The following RIBC2 variants were observed in gnomAD, a reference collection of about 807,000 sequenced individuals.
The protein encoded by RIBC2 is RIB43A-like with coiled-coils protein 2.
RIBC2 carries 40 observed loss-of-function variants against 44.3 expected under a neutral mutation model. The observed-to-expected ratio is 0.90, with a 90% CI of 0.70 to 1.18. RIBC2 has a LOEUF of 1.18. RIBC2 is among the 50% of genes most tolerant of loss of function. The pLI, the probability that RIBC2 is intolerant of heterozygous loss-of-function variation, is 0.00. For missense variants in RIBC2, 459 were observed against 485.5 expected, an observed-to-expected ratio of 0.95 and a Z score of 0.51; for synonymous variants, 171 against 175.0, an observed-to-expected ratio of 0.98 and a Z score of 0.18.
intron 5 of RIBC2, among the ~76,000 whole-genome samples, chr22:45,428,060 T>C (rs1364308604): frequency 6.6e-6 from 1 of 152,230 alleles, no homozygotes; most frequent in Non-Finnish European, 1.5e-5. Flanking sequence ...GGTGGACAGA[T>C]GCAAGCCGTG....
chr22:45,422,985 T>C (rs938594872), intron 4 of RIBC2, among the ~76,000 whole-genome samples: 1 of 152,116 alleles, frequency 6.6e-6, no homozygotes, highest in South Asian at 2.1e-4. Context: ...TTGGTTTTTT[T>C]GTTTGTTTGT....
chr22:45,427,368 AAGG>A (rs2087543484), intron 5 of RIBC2, among the ~76,000 whole-genome samples: 1 of 152,238 alleles, frequency 6.6e-6, no homozygotes, highest in Non-Finnish European at 1.5e-5. Flanking sequence ...AGAACACTCT[AAGG>A]AGATTTCCAC....
chr22:45,415,908 C>T (rs1256299905), intron 2 of RIBC2, among the ~76,000 whole-genome samples: 1 of 152,200 alleles, frequency 6.6e-6, no homozygotes, highest in Non-Finnish European at 1.5e-5. Flanking sequence ...CCATGTTGGC[C>T]AGGCTGGTCT....
chr22:45,420,922 T>C (rs1245199045), intron 3 of RIBC2, among the ~76,000 whole-genome samples: 1 of 152,136 alleles, frequency 6.6e-6, no homozygotes, highest in African/African-American at 2.4e-5. Flanking sequence ...TTTGGCCAGG[T>C]GCAGTGGTTC....
At position 45,421,513 on chromosome 22, in the gene RIBC2, A is replaced by G. The variant is rs914020839; in HGVS notation, c.557-777A>G. ...AATTATTATTATTAATAATAGTATT[A>G]TTAATAATAATAATAGTATTATTAA... On this transcript the variant is annotated intron_variant, in intron 3 of 6. Transcript: ENST00000614167. Among the ~76,000 whole-genome samples, 22 of 61,416 alleles carry G rather than the reference A, an allele frequency of 3.6e-4. 1 individual carries two copies. Among genetic ancestry groups the G allele is most frequent in the Non-Finnish European group, 4.8e-4 (17 of 35,244 alleles). 40.3% of individuals were successfully genotyped at this position (61,416 alleles called of 152,430 possible). A position where few individuals can be genotyped will look rare whatever the true frequency, so the allele number is the denominator to read the frequency against.
rs375429144 is a variant in RIBC2, at chr22:45,422,267, G to A, written c.557-23G>A. 1.3e-3 allele frequency: 2,082 copies of A among 1,585,472 alleles called. 3 individuals carry two copies. The highest frequency in any genetic ancestry group is 2.0e-3 in the South Asian group (181 of 90,500). On this transcript the variant is annotated intron_variant, in intron 3 of 6. Transcript: ENST00000614167. ...GGTGCTCCTGTGGCCAGGTCGATCT[G>A]ATTGCTTCTTGCCTCCTTTCAGAGG...
chr22:45,431,612 G>T (rs775669661), intron 6 of RIBC2, among the ~76,000 whole-genome samples: 1 of 152,118 alleles, frequency 6.6e-6, no homozygotes, highest in Non-Finnish European at 1.5e-5. Flanking sequence ...TCTCCAATCC[G>T]ATATCTGGTT....
intron 3 of RIBC2, among the ~76,000 whole-genome samples, chr22:45,420,477 G>A (rs192829117): frequency 6.6e-6 from 1 of 152,138 alleles, no homozygotes; most frequent in African/African-American, 2.4e-5. Context: ...CTCCCAAGTG[G>A]TCTAAATTTC....
At chr22:45,424,008 G>A (rs1235929340) in intron 4 of RIBC2, among the ~76,000 whole-genome samples, 1 of 152,024 alleles carries the variant, frequency 6.6e-6, no homozygotes, top group Non-Finnish European at 1.5e-5. Context: ...TTCCTGCTGG[G>A]CATTGGAGTG....
chr22:45,422,900 C>A (rs1478063028), intron 4 of RIBC2, among the ~76,000 whole-genome samples: 1 of 151,968 alleles, frequency 6.6e-6, no homozygotes, highest in Non-Finnish European at 1.5e-5. Flanking sequence ...AACTCTGGCC[C>A]CCCTCCTCCC....
At chr22:45,429,693 G>C (rs1359280830) in intron 5 of RIBC2, among the ~76,000 whole-genome samples, 5 of 152,192 alleles carry the variant, frequency 3.3e-5, no homozygotes, top group Admixed American at 3.3e-4. Context: ...CTGGAATGGG[G>C]GTCCAGGGCC....
At chr22:45,419,244 TA>T in intron 3 of RIBC2, among the ~76,000 whole-genome samples, 2 of 152,370 alleles carry the variant, frequency 1.3e-5, no homozygotes, top group Non-Finnish European at 2.9e-5. Context: ...CTTGGATGTC[TA>T]ATGCACTTGT....
Position 45,413,753 on chromosome 22 carries a change from G to A in RIBC2, c.-134G>A. Reference sequence around the variant, plus strand: ...ACCTCTGCGGCGTCACTGGGAGCCCGACGGAAAACTGCGCTAAAGGCTTGT... The same window carrying A: ...ACCTCTGCGGCGTCACTGGGAGCCCAACGGAAAACTGCGCTAAAGGCTTGT... On this transcript the variant is annotated 5_prime_UTR_variant, in exon 1 of 7. Transcript: ENST00000614167. 2 of 1,326,392 alleles carry A rather than the reference G, an allele frequency of 1.5e-6. No individual in the cohort carries two copies. The highest frequency in any genetic ancestry group is 3.0e-5 in the South Asian group (2 of 66,528). The allele number at this position is 1,326,392 out of a possible 1,614,324, so 82.2% of individuals were successfully genotyped here.
At chr22:45,421,302 ATAATACTATTATTATTAT>A (rs989494964) in intron 3 of RIBC2, among the ~76,000 whole-genome samples, 26 of 85,524 alleles carry the variant, frequency 3.0e-4, no homozygotes, top group Non-Finnish European at 4.1e-4. Flanking sequence ...TCAAATAATA[ATAATACTATTATTATTAT>A]TAATACTATT....
intron 5 of RIBC2, among the ~76,000 whole-genome samples, chr22:45,427,089 A>T (rs2087541198): frequency 6.6e-6 from 1 of 152,202 alleles, no homozygotes; most frequent in Admixed American, 6.5e-5. Flanking sequence ...AAGTGTGCAA[A>T]GTCCATTAGA....
intron 3 of RIBC2, among the ~76,000 whole-genome samples, chr22:45,421,680 G>A (rs2087486668): frequency 6.6e-6 from 1 of 151,576 alleles, no homozygotes; most frequent in Non-Finnish European, 1.5e-5. Context: ...GCAAGGCTAA[G>A]TAATAGTTGA....
rs188031661 is a variant in RIBC2 at position 45,416,750 on chromosome 22, A to G, written c.212-852A>G. ...GCTGGGATTACAGGCGTGAGCCACC[A>G]TGCCTGGCCGCAAATGAGAGATCTT... On this transcript the variant is annotated intron_variant, in intron 2 of 6. Transcript: ENST00000614167. Among the ~76,000 whole-genome samples the G allele has an allele frequency of 9.5e-4, 144 of 152,040 alleles. 4 individuals carry two copies. In the East Asian group the frequency reaches 9.7e-3, roughly 10 times the overall value.
At chr22:45,431,633 C>G (rs2087581540) in intron 6 of RIBC2, among the ~76,000 whole-genome samples, 1 of 152,090 alleles carries the variant, frequency 6.6e-6, no homozygotes, top group African/African-American at 2.4e-5. Flanking sequence ...GCTTGTGGGT[C>G]CATCTGTTAT....
Position 45,425,970 on chromosome 22 carries a change from A to C in RIBC2, c.698A>C (p.Lys233Thr). 1 of 1,613,936 alleles carries C rather than the reference A, an allele frequency of 6.2e-7. No individual in the cohort carries two copies. ...KSQAIESVER[K>T]KQEKKQEQED... ...TAGGCCATCGAGTCAGTGGAAAGGA[A>C]AAAGCAAGAGAAAAAGCAAGAACAA... is the stretch of plus-strand genomic sequence containing the variant. The change falls in exon 5 of 7, where the codon AAA becomes ACA. Residue 233 changes from lysine to threonine, a missense_variant. Transcript: ENST00000614167.
Sources: gnomAD v4.1 joint callset for allele counts (sites outside exome capture counted in the v4.1 genomes callset) on GRCh38, gnomAD v4.1.1 for gene constraint, MANE v1.5 for transcripts, NCBI Gene and HGNC (gene_info 2026-07-23, HGNC 2026-07-21) for gene names.